PDZD8: variants seen among roughly 807,000 people sequenced by gnomAD.
PDZD8 encodes the protein PDZ domain containing 8, also known as PDZ domain-containing protein 8.
PDZD8 carries 14 observed loss-of-function variants against 85.8 expected under a neutral mutation model. The ratio of observed to expected loss-of-function variants is 0.16; its 90% confidence interval spans 0.11 to 0.26. The LOEUF (loss-of-function observed/expected upper bound fraction) is 0.26. Among genes scored for constraint, PDZD8 ranks in the 10% least tolerant of loss-of-function variants. The pLI, the probability that PDZD8 is intolerant of heterozygous loss-of-function variation, is 1.00. For synonymous variants in PDZD8, 592 were observed against 568.6 expected, an observed-to-expected ratio of 1.04 and a Z score of -0.59; for missense variants, 1,197 against 1,424.3, an observed-to-expected ratio of 0.84 and a Z score of 2.57.
chr10:117,335,083 A>G (rs532219936), intron 2 of PDZD8, among the ~76,000 whole-genome samples: 10 of 152,238 alleles, frequency 6.6e-5, no homozygotes, highest in Non-Finnish European at 1.2e-4. Context: ...GCTCCCTCAG[A>G]CATGGTCTAA....
At chr10:117,286,409 A>G (rs1396058435) in intron 4 of PDZD8, among the ~76,000 whole-genome samples, 2 of 152,208 alleles carry the variant, frequency 1.3e-5, no homozygotes, top group African/African-American at 4.8e-5. Context: ...AAAGAATGAG[A>G]AGGCTCTTTG....
At chr10:117,291,522 C>G (rs936359786) in intron 3 of PDZD8, among the ~76,000 whole-genome samples, 2 of 49,542 alleles carry the variant, frequency 4.0e-5, no homozygotes, top group Admixed American at 3.0e-4. Flanking sequence ...AAGCGAGACT[C>G]CACCTCAGAA....
chr10:117,370,135 T>C (rs549096487), intron 1 of PDZD8, among the ~76,000 whole-genome samples: 2 of 152,304 alleles, frequency 1.3e-5, no homozygotes, highest in South Asian at 4.1e-4. Context: ...ACTATTTTAA[T>C]TAAAAAATCA....
chr10:117,348,494 T>TG (rs1241257533), intron 1 of PDZD8, among the ~76,000 whole-genome samples: 2 of 152,190 alleles, frequency 1.3e-5, no homozygotes, highest in Non-Finnish European at 2.9e-5. Context: ...AACAGAACTC[T>TG]GAGTGGCTCT....
At chr10:117,326,402 C>T (rs2133821983) in intron 2 of PDZD8, among the ~76,000 whole-genome samples, 1 of 152,344 alleles carries the variant, frequency 6.6e-6, no homozygotes, top group Non-Finnish European at 1.5e-5. Flanking sequence ...AAGTTGATAG[C>T]TTTGTGCTGT....
chr10:117,332,599 T>C (rs1190585285), intron 2 of PDZD8, among the ~76,000 whole-genome samples: 1 of 147,638 alleles, frequency 6.8e-6, no homozygotes, highest in Non-Finnish European at 1.5e-5. Context: ...CTCCGCCTCC[T>C]GGGTTCAGGT....
chr10:117,312,731 C>G lies in PDZD8; in HGVS notation c.1098+6141G>C, dbSNP rs1390073515. Among the ~76,000 whole-genome samples, 9 of 152,062 alleles carry G rather than the reference C, an allele frequency of 5.9e-5. No individual in the cohort carries two copies. The East Asian group carries it at 1.7e-3, about 29-fold the overall frequency. ...TATATGCTTCCATTAGTCATTCACC[C>G]ACCTTTGTCTTTTCAGCTGAAGAAC... On this transcript the variant is annotated intron_variant, in intron 3 of 4. Coordinates refer to ENST00000334464, the MANE Select transcript of PDZD8 (RefSeq NM_173791.5).
At chr10:117,294,327 CAA>C (rs71013656) in intron 3 of PDZD8, among the ~76,000 whole-genome samples, 3 of 142,630 alleles carry the variant, frequency 2.1e-5, no homozygotes, top group African/African-American at 8.1e-5. Flanking sequence ...ACCAAAAAGA[CAA>C]AAAAAAAAAA....
intron 3 of PDZD8, among the ~76,000 whole-genome samples, chr10:117,291,556 T>TAAAAAA (rs1844764909): frequency 6.7e-6 from 1 of 148,470 alleles, no homozygotes; most frequent in Non-Finnish European, 1.5e-5. Flanking sequence ...TATCATGTGG[T>TAAAAAA]GGGGATGATG....
chr10:117,348,193 C>G (rs1403620030), intron 1 of PDZD8, among the ~76,000 whole-genome samples: 1 of 152,172 alleles, frequency 6.6e-6, no homozygotes, highest in Non-Finnish European at 1.5e-5. Flanking sequence ...TGATGTATAA[C>G]TGTTTGGTTA....
rs760151413 is a variant in PDZD8, at chr10:117,283,227, A to C, written c.*41T>G. 1 of 1,552,084 alleles carries C rather than the reference A, an allele frequency of 6.4e-7. No homozygotes were observed. The highest frequency in any genetic ancestry group is 8.7e-7 in the Non-Finnish European group (1 of 1,148,856). On this transcript the variant is annotated 3_prime_UTR_variant, in exon 5 of 5. Coordinates refer to ENST00000334464, the MANE Select transcript of PDZD8 (RefSeq NM_173791.5). ...TTGTATCTGTGGTACTTTAGATGCA[A>C]CTTTACCCTGTTCATTTGAAAGCTT...
chr10:117,348,092 C>G (rs1459171577), intron 1 of PDZD8, among the ~76,000 whole-genome samples: 1 of 152,160 alleles, frequency 6.6e-6, no homozygotes, highest in African/African-American at 2.4e-5. Context: ...AACAGGTGAA[C>G]TGTATAGCAT....
At chr10:117,314,799 A>G (rs1400459970) in intron 3 of PDZD8, among the ~76,000 whole-genome samples, 3 of 152,178 alleles carry the variant, frequency 2.0e-5, no homozygotes, top group African/African-American at 7.2e-5. Flanking sequence ...TTCCTTTCTG[A>G]TAGTGACATA....
intron 1 of PDZD8, among the ~76,000 whole-genome samples, chr10:117,365,415 TA>T (rs1415833741): frequency 6.6e-6 from 1 of 152,190 alleles, no homozygotes; most frequent in Admixed American, 6.5e-5. Context: ...ATAATACATT[TA>T]GAAAAATATG....
At chr10:117,332,829 G>T (rs1331678892) in intron 2 of PDZD8, among the ~76,000 whole-genome samples, 1 of 149,364 alleles carries the variant, frequency 6.7e-6, no homozygotes, top group Admixed American at 6.6e-5. Context: ...TTTTAAAAAA[G>T]GATATGGGCC....
chr10:117,306,628 T>C (rs1843948191), intron 3 of PDZD8, among the ~76,000 whole-genome samples: 1 of 151,756 alleles, frequency 6.6e-6, no homozygotes, highest in Non-Finnish European at 1.5e-5. Context: ...ACTAAGGAAG[T>C]ATGAGAGCCT....
chr10:117,371,136 T>C (rs192985546), intron 1 of PDZD8, among the ~76,000 whole-genome samples: 3 of 152,344 alleles, frequency 2.0e-5, no homozygotes, highest in Admixed American at 1.3e-4. Context: ...TTCATTCTTA[T>C]CTGAAACTTG....
chr10:117,306,440 T>C (rs1843945208), intron 3 of PDZD8, among the ~76,000 whole-genome samples: 1 of 152,186 alleles, frequency 6.6e-6, no homozygotes, highest in Non-Finnish European at 1.5e-5. Flanking sequence ...ACCATTCCAG[T>C]AAAATAAAAA....
At chr10:117,373,604 CAAAAAAAAAAAAAA>C (rs796930758) in intron 1 of PDZD8, among the ~76,000 whole-genome samples, 8 of 52,430 alleles carry the variant, frequency 1.5e-4, no homozygotes, top group East Asian at 1.0e-3. Flanking sequence ...CTAAAAAATA[CAAAAAAAAAAAAAA>C]AAAAAAAAAA....
Sources: allele counts gnomAD v4.1 joint callset (sites outside exome capture counted in the v4.1 genomes callset), GRCh38; gene constraint gnomAD v4.1.1; transcripts MANE v1.5; gene names NCBI Gene and HGNC (gene_info 2026-07-23, HGNC 2026-07-21).